EML6: variants seen among roughly 807,000 people sequenced by gnomAD.
EML6 encodes echinoderm microtubule-associated protein-like 6.
EML6 carries 154 observed loss-of-function variants against 240.1 expected under a neutral mutation model. The ratio of observed to expected loss-of-function variants is 0.64; its 90% CI spans 0.56 to 0.73. The LOEUF (loss-of-function observed/expected upper bound fraction) is 0.73. EML6 is among the 30% of genes least tolerant of loss of function. The pLI is 0.00. For missense variants in EML6, 2,964 were observed against 2,474.6 expected, an observed-to-expected ratio of 1.20 and a Z score of -4.20; for synonymous variants, 1,148 against 899.0, an observed-to-expected ratio of 1.28 and a Z score of -4.95.
rs1375545485 is a variant in EML6, at chr2:54,950,793, A to T, written c.4213+14A>T. 6.5e-7 allele frequency: 1 copy of T among 1,545,208 alleles called. No individual in the cohort carries two copies. Among genetic ancestry groups the T allele is most frequent in the Non-Finnish European group, 8.7e-7 (1 of 1,144,672 alleles). On this transcript the variant is annotated intron_variant, in intron 30 of 41. Transcript: ENST00000356458. Reference sequence around the variant, plus strand: ...ACCTCTCCACAGGTAACCGGGGGTTAAAAAATACAGGTTTTTCTTTTAGCT... The same window carrying T: ...ACCTCTCCACAGGTAACCGGGGGTTTAAAAATACAGGTTTTTCTTTTAGCT...
chr2:54,895,103 C>G (rs765037299), intron 20 of EML6, 77 bp downstream of exon 20: 8 of 1,345,926 alleles, frequency 5.9e-6, no homozygotes, highest in African/African-American at 1.5e-5. Context: ...TTTTAGAAAA[C>G]TATTAGCAAA....
intron 5 of EML6, among the ~76,000 whole-genome samples, chr2:54,825,155 G>T (rs997894156): frequency 6.6e-6 from 1 of 152,022 alleles, no homozygotes; most frequent in Non-Finnish European, 1.5e-5. Flanking sequence ...TCAGACGGGG[G>T]GTGTATATCC....
chr2:54,863,863 G>A lies in EML6; in HGVS notation c.1906G>A (p.Glu636Lys). ...CGAACTGGACTCTGATATTGAGCAA[G>A]AAGCTCAAATCAATTATGATCGCCA... ...VPELDSDIEQ[E>K]AQINYDRQVY... Residue 636 changes from glutamate to lysine, a missense_variant, in exon 13 of 42, where the codon GAA becomes AAA. Glu to Lys is a moderately conservative substitution (Grantham distance 56, BLOSUM62 1). Transcript: ENST00000356458. The A allele has an allele frequency of 1.3e-6, 2 of 1,544,994 alleles. No individual in the cohort carries two copies. Among genetic ancestry groups the A allele is most frequent in the African/African-American group, 2.7e-5 (2 of 72,910 alleles).
intron 41 of EML6, among the ~76,000 whole-genome samples, chr2:54,969,017 A>G (rs1487785007): frequency 6.6e-6 from 1 of 151,964 alleles, no homozygotes; most frequent in Non-Finnish European, 1.5e-5. Flanking sequence ...TGTGATAGCT[A>G]CTCTGGGCAC....
chr2:54,918,792 T>C (rs1241395836), intron 26 of EML6, among the ~76,000 whole-genome samples: 1 of 152,220 alleles, frequency 6.6e-6, no homozygotes, highest in African/African-American at 2.4e-5. Flanking sequence ...GACAAGTGGA[T>C]AGTGGTCTCT....
intron 16 of EML6, among the ~76,000 whole-genome samples, chr2:54,874,530 C>G (rs1671408077): frequency 6.6e-6 from 1 of 152,144 alleles, no homozygotes; most frequent in South Asian, 2.1e-4. Flanking sequence ...GTTGTTTTTG[C>G]TTATGGAAAT....
chr2:54,886,333 T>A (rs906671499), intron 17 of EML6, among the ~76,000 whole-genome samples: 27 of 151,658 alleles, frequency 1.8e-4, no homozygotes, highest in Non-Finnish European at 3.1e-4. Flanking sequence ...GCCTGGCTAA[T>A]TTTTTGTATT....
At chr2:54,806,612 C>CCAAAAAAAAAAAAAAAAAA (rs1670501266) in intron 2 of EML6, among the ~76,000 whole-genome samples, 1 of 52,822 alleles carries the variant, frequency 1.9e-5, no homozygotes. Flanking sequence ...ACTCCGTCTC[C>CCAAAAAAAAAAAAAAAAAA]AAAAAAAAAA....
Position 54,970,350 on chromosome 2 carries a change from A to G in EML6, c.*255A>G, listed in dbSNP as rs551105968. ...GCCTCTGTTCCTGAGACTAAACAGT[A>G]TACATACTAACTACATTGACAAAGA... On this transcript the variant is annotated 3_prime_UTR_variant, in exon 42 of 42. Transcript: ENST00000356458. 3.5e-5 allele frequency: 18 copies of G among 510,378 alleles called. No homozygotes were observed. The East Asian group carries it at 5.3e-4, about 15-fold the overall frequency. 31.6% of individuals were successfully genotyped at this position (510,378 alleles called of 1,614,324 possible). A position where few individuals can be genotyped will look rare whatever the true frequency, so the allele number is the denominator to read the frequency against.
chr2:54,772,451 T>G (rs1300868902), intron 2 of EML6, among the ~76,000 whole-genome samples: 1 of 152,218 alleles, frequency 6.6e-6, no homozygotes, highest in Non-Finnish European at 1.5e-5. Context: ...AAACATTTCA[T>G]GTCAAGTTAA....
chr2:54,926,175 G>C (rs1674535434), intron 26 of EML6, among the ~76,000 whole-genome samples: 1 of 152,156 alleles, frequency 6.6e-6, no homozygotes, highest in African/African-American at 2.4e-5. Context: ...GATCTTGGCT[G>C]ACAGCAACCT....
Position 54,892,590 on chromosome 2 carries a change from C to T in EML6, c.2676C>T (p.Asp892=), listed in dbSNP as rs768192066. 3.9e-6 allele frequency: 6 copies of T among 1,551,692 alleles called. No individual in the cohort carries two copies. The highest frequency in any genetic ancestry group is 5.2e-6 in the Non-Finnish European group (6 of 1,146,846). The change falls in exon 19 of 42, where the codon GAC becomes GAT. Residue 892 remains aspartate (D), a synonymous_variant. Coordinates refer to ENST00000356458, the MANE Select transcript of EML6 (RefSeq NM_001039753.4). ...AATGDIFIWK[D]ILLLKTVKAH... is the part of the protein sequence containing the mutation. ...CTGGAGATATTTTTATTTGGAAAGA[C>T]ATTCTACTACTGAAGACAGTGAAAG... is the stretch of plus-strand genomic sequence containing the variant.
intron 2 of EML6, among the ~76,000 whole-genome samples, chr2:54,780,944 G>A (rs1245919976): frequency 6.6e-6 from 1 of 152,182 alleles, no homozygotes; most frequent in African/African-American, 2.4e-5. Context: ...TCTTTGGGCG[G>A]TTAAGAAAGG....
In EML6 at chr2:54,859,695, C is replaced by A. The variant is rs565258041; in HGVS notation, c.1819C>A (p.Pro607Thr). The change falls in exon 12 of 42, where the codon CCC becomes ACC. Residue 607 changes from proline (P) to threonine (T), a missense_variant. Transcript: ENST00000356458. ...GVSNGMLETAPQEGGADSYSE... is the reference protein window; with the variant it reads ...GVSNGMLETATQEGGADSYSE... ...CAGCAACGGCATGCTGGAAACTGCA[C>A]CCCAAGGTAAACCCAGCAATAATTT... 1.2e-5 allele frequency: 19 copies of A among 1,534,118 alleles called. No homozygotes were observed. The highest frequency in any genetic ancestry group is 8.8e-5 in the Admixed American group (4 of 45,354).
intron 3 of EML6, among the ~76,000 whole-genome samples, chr2:54,815,321 T>C (rs1668034766): frequency 6.6e-6 from 1 of 152,210 alleles, no homozygotes; most frequent in Non-Finnish European, 1.5e-5. Context: ...GGCTTGTTGA[T>C]GGCTATTTCT....
intron 2 of EML6, among the ~76,000 whole-genome samples, chr2:54,744,436 C>T (rs1166550789): frequency 6.6e-6 from 1 of 151,988 alleles, no homozygotes; most frequent in African/African-American, 2.4e-5. Context: ...CGGAGGTGAG[C>T]CATGGAAGCT....
rs915677156 is a variant in EML6 at position 54,853,073 on chromosome 2, A to AT, written c.1445-562dup. 7.4e-4 allele frequency among the ~76,000 whole-genome samples: 112 copies of AT among 152,196 alleles called. 1 individual carries two copies. Among genetic ancestry groups the AT allele is most frequent in the African/African-American group, 2.5e-3 (102 of 41,520 alleles). Reference sequence around the variant, plus strand: ...TTATAAATTTAAATAATATTCACTAATTTTTTTTCATTAATCTACTGAGCC... The same window carrying AT: ...TTATAAATTTAAATAATATTCACTAATTTTTTTTTCATTAATCTACTGAGCC... On this transcript the variant is annotated intron_variant, in intron 10 of 41. Coordinates refer to ENST00000356458, the MANE Select transcript of EML6 (RefSeq NM_001039753.4).
intron 2 of EML6, among the ~76,000 whole-genome samples, chr2:54,786,628 C>G (rs1370235508): frequency 6.6e-6 from 1 of 152,198 alleles, no homozygotes; most frequent in Non-Finnish European, 1.5e-5. Context: ...ACACATTCCT[C>G]TCCATTATAC....
chr2:54,750,694 C>T (rs554784954), intron 2 of EML6, among the ~76,000 whole-genome samples: 5 of 152,232 alleles, frequency 3.3e-5, no homozygotes, highest in African/African-American at 1.2e-4. Flanking sequence ...TGCCAATGGT[C>T]ATGGGTGGCT....
Sources: allele counts gnomAD v4.1 joint callset (sites outside exome capture counted in the v4.1 genomes callset), GRCh38; gene constraint gnomAD v4.1.1; transcripts MANE v1.5; gene names NCBI Gene and HGNC (gene_info 2026-07-23, HGNC 2026-07-21).